Variants in CSMD3 observed in about 807,000 individuals in gnomAD.
CSMD3 encodes the protein CUB and Sushi multiple domains 3, also known as CUB and sushi domain-containing protein 3.
A neutral mutation model predicts 435.2 loss-of-function variants in CSMD3; 177 were observed. The ratio of observed to expected loss-of-function variants is 0.41; its 90% CI spans 0.36 to 0.46. The LOEUF (loss-of-function observed/expected upper bound fraction) is 0.46. Among genes scored for constraint, CSMD3 ranks in the 20% least tolerant of loss-of-function variants. The probability of loss-of-function intolerance (pLI) is 0.34; values close to 1 mark genes in which losing one functional copy is unlikely to be tolerated. For missense variants in CSMD3, 4,265 were observed against 4,504.6 expected (o/e 0.95, Z 1.52); for synonymous variants, 1,656 against 1,520.5 (o/e 1.09, Z -2.07).
intron 6 of CSMD3, among the ~76,000 whole-genome samples, chr8:113,008,661 A>G (rs1328207330): frequency 1.3e-5 from 2 of 151,852 alleles, no homozygotes; most frequent in South Asian, 4.1e-4. Flanking sequence ...TATAAGATGT[A>G]GCTGTATTGT....
At chr8:112,255,781 CAT>C (rs1277668788) in intron 61 of CSMD3, 1 of 273,180 alleles carries the variant, frequency 3.7e-6, no homozygotes, top group Non-Finnish European at 7.0e-6. Context: ...GTAGGTGACT[CAT>C]AGGTGTCCCT....
intron 41 of CSMD3, among the ~76,000 whole-genome samples, chr8:112,343,515 T>A (rs1390864361): frequency 6.6e-6 from 1 of 152,182 alleles, no homozygotes; most frequent in Non-Finnish European, 1.5e-5. Context: ...TGTTCAGGCA[T>A]GTTTAATTTT....
At chr8:112,619,112 G>C (rs2131506062) in intron 22 of CSMD3, among the ~76,000 whole-genome samples, 1 of 152,076 alleles carries the variant, frequency 6.6e-6, no homozygotes, top group East Asian at 1.9e-4. Flanking sequence ...GTTATTAAGT[G>C]CTCAACAGCT....
chr8:112,625,912 T>C (rs1834438746), intron 22 of CSMD3, among the ~76,000 whole-genome samples: 2 of 152,138 alleles, frequency 1.3e-5, no homozygotes, highest in South Asian at 2.1e-4. Context: ...ATATTGTTTA[T>C]TTAAATAAGC....
chr8:112,560,564 A>G (rs1188968988), intron 24 of CSMD3, among the ~76,000 whole-genome samples: 1 of 151,734 alleles, frequency 6.6e-6, no homozygotes, highest in Admixed American at 6.6e-5. Context: ...AATTTCCTGA[A>G]TATCTCAATT....
intron 5 of CSMD3, among the ~76,000 whole-genome samples, chr8:113,025,815 T>C (rs1326276052): frequency 6.6e-6 from 1 of 152,084 alleles, no homozygotes; most frequent in African/African-American, 2.4e-5. Flanking sequence ...GCCTGTTCCA[T>C]TGGAGCAGGG....
intron 10 of CSMD3, among the ~76,000 whole-genome samples, chr8:112,894,094 A>G (rs1254353766): frequency 6.6e-6 from 1 of 151,508 alleles, no homozygotes; most frequent in Non-Finnish European, 1.5e-5. Context: ...GGTTTCTGTA[A>G]TATCAAACTT....
chr8:112,678,966 G>A lies in CSMD3; in HGVS notation c.2677+3476C>T, dbSNP rs1469382379. Among the ~76,000 whole-genome samples the A allele has an allele frequency of 3.3e-5, 5 of 151,666 alleles. No individual in the cohort carries two copies. In the East Asian group the frequency reaches 7.8e-4, roughly 24 times the overall value. ...ATAAATAATAAGAAAAATTTTATCT[G>A]TAAAAATATAGACTGTCTACAGAAA... On this transcript the variant is annotated intron_variant, in intron 16 of 70. Coordinates refer to ENST00000297405, the MANE Select transcript of CSMD3 (RefSeq NM_198123.2).
chr8:112,248,467 A>G (rs1255004353), intron 63 of CSMD3, among the ~76,000 whole-genome samples: 1 of 152,102 alleles, frequency 6.6e-6, no homozygotes, highest in Non-Finnish European at 1.5e-5. Flanking sequence ...CAATCACAAG[A>G]AAAAAATCAA....
rs186363213 is a variant in CSMD3 at position 112,609,639 on chromosome 8, G to C, written c.3716-22404C>G. ...AGAATATTAAAAATAGAACTACCAT[G>C]TGATCCAGCAATATCACTTCAGGGT... On this transcript the variant is annotated intron_variant, in intron 22 of 70. Transcript: ENST00000297405. Among the ~76,000 whole-genome samples, 7 of 152,238 alleles carry C rather than the reference G, an allele frequency of 4.6e-5. No individual in the cohort carries two copies. The South Asian group carries it at 1.2e-3, about 27-fold the overall frequency.
chr8:113,047,623 A>G (rs1015363085), intron 5 of CSMD3, among the ~76,000 whole-genome samples: 10 of 152,248 alleles, frequency 6.6e-5, no homozygotes, highest in African/African-American at 2.2e-4. Flanking sequence ...TTACAAAAAG[A>G]AAGATGCAAG....
In CSMD3 at chr8:113,224,319, T is replaced by C. The variant is rs556077371; in HGVS notation, c.515-50403A>G. ...TCCTCCTGTCTCTATTTTGCTTCAA[T>C]AAACCCCATTCATCTATAGACATCT... On this transcript the variant is annotated intron_variant, in intron 3 of 70. Transcript: ENST00000297405. 1.4e-4 allele frequency among the ~76,000 whole-genome samples: 21 copies of C among 151,312 alleles called. No homozygotes were observed. The South Asian group carries it at 2.5e-3, about 18-fold the overall frequency.
intron 4 of CSMD3, among the ~76,000 whole-genome samples, chr8:113,161,902 A>C (rs2092047637): frequency 1.3e-5 from 2 of 152,282 alleles, no homozygotes; most frequent in South Asian, 4.1e-4. Flanking sequence ...ACTTTACCAA[A>C]ATTATTAACA....
At chr8:112,752,897 C>CCA (rs1554670819) in intron 13 of CSMD3, among the ~76,000 whole-genome samples, 1 of 107,112 alleles carries the variant, frequency 9.3e-6, no homozygotes, top group African/African-American at 4.1e-5. Flanking sequence ...GTATTTGTTA[C>CCA]CGCGTGTGTG....
chr8:112,286,526 C>G (rs985770807), intron 58 of CSMD3, among the ~76,000 whole-genome samples: 6 of 152,112 alleles, frequency 3.9e-5, no homozygotes, highest in South Asian at 2.1e-4. Context: ...AGGGTGAGTA[C>G]AGTCAACAAG....
intron 4 of CSMD3, among the ~76,000 whole-genome samples, chr8:113,166,200 G>C (rs1378944829): frequency 2.0e-5 from 3 of 151,988 alleles, no homozygotes; most frequent in African/African-American, 7.2e-5. Flanking sequence ...TGTGTAGTGA[G>C]TTTTTAAAAT....
chr8:112,866,304 T>G (rs2129971799), intron 10 of CSMD3, among the ~76,000 whole-genome samples: 1 of 152,210 alleles, frequency 6.6e-6, no homozygotes, highest in East Asian at 1.9e-4. Flanking sequence ...ACTTGTAAAC[T>G]TAGATAGTTG....
intron 1 of CSMD3, among the ~76,000 whole-genome samples, chr8:113,384,050 C>T (rs139832767): frequency 1.3e-5 from 2 of 152,256 alleles, no homozygotes; most frequent in East Asian, 3.9e-4. Flanking sequence ...AGGGTGTGTT[C>T]ATCTTACCTC....
intron 8 of CSMD3, among the ~76,000 whole-genome samples, chr8:112,948,890 G>C (rs536614432): frequency 3.3e-5 from 5 of 151,936 alleles, no homozygotes; most frequent in Admixed American, 3.3e-4. Context: ...TAGGACTCTG[G>C]CATCAGTTTT....
Sources: gnomAD v4.1 joint callset for allele counts (sites outside exome capture counted in the v4.1 genomes callset) on GRCh38, gnomAD v4.1.1 for gene constraint, MANE v1.5 for transcripts, NCBI Gene and HGNC (gene_info 2026-07-23, HGNC 2026-07-21) for gene names.